The following EFCAB8 variants were observed in gnomAD, a reference collection of about 807,000 sequenced individuals.
EFCAB8 encodes the protein EF-hand calcium binding domain 8, also known as EF-hand calcium-binding domain-containing protein 8.
Under a neutral mutation model 116.3 loss-of-function variants are expected in EFCAB8, and 100 were observed. The ratio of observed to expected loss-of-function variants is 0.86; its 90% CI spans 0.73 to 1.02. The LOEUF is 1.02. Ranked by LOEUF, EFCAB8 falls within the 50% of genes least tolerant of loss-of-function variation. The probability of loss-of-function intolerance (pLI) is 0.00; values close to 1 mark genes in which losing one functional copy is unlikely to be tolerated. For synonymous variants in EFCAB8, 558 were observed against 567.9 expected, an observed-to-expected ratio of 0.98 and a Z score of 0.25; for missense variants, 1,320 against 1,416.9, an observed-to-expected ratio of 0.93 and a Z score of 1.10.
At chr20:32,877,790 G>T (rs1457472721) in intron 4 of EFCAB8, among the ~76,000 whole-genome samples, 1 of 152,168 alleles carries the variant, frequency 6.6e-6, no homozygotes, top group Non-Finnish European at 1.5e-5. Flanking sequence ...TGATGTTTGA[G>T]CATGGGCATC....
At chr20:32,872,948 C>T (rs575040904) in intron 3 of EFCAB8, among the ~76,000 whole-genome samples, 65 of 151,286 alleles carry the variant, frequency 4.3e-4, no homozygotes, top group African/African-American at 1.4e-3. Context: ...AAAAATTAGC[C>T]GAGTGTGATG....
At chr20:32,895,664 C>T (rs1411094683) in intron 9 of EFCAB8, among the ~76,000 whole-genome samples, 4 of 148,534 alleles carry the variant, frequency 2.7e-5, no homozygotes, top group Non-Finnish European at 3.0e-5. Flanking sequence ...CTCTGCCTTT[C>T]GGGTTCAAGT....
At chr20:32,955,278 G>A (rs1469429364) in intron 23 of EFCAB8, among the ~76,000 whole-genome samples, 1 of 152,188 alleles carries the variant, frequency 6.6e-6, no homozygotes, top group Non-Finnish European at 1.5e-5. Context: ...AGTGGCTCAT[G>A]CCTGTAATCA....
chr20:32,907,196 T>G, intron 13 of EFCAB8: 3 of 872,992 alleles, frequency 3.4e-6, no homozygotes, highest in Non-Finnish European at 4.1e-6. Context: ...CAGCCTGGCT[T>G]CTAACTTTGT....
intron 22 of EFCAB8, among the ~76,000 whole-genome samples, chr20:32,941,923 AAT>A (rs1195700025): frequency 1.3e-5 from 2 of 152,180 alleles, no homozygotes; most frequent in African/African-American, 4.8e-5. Context: ...CTTTTTCACA[AAT>A]GTTTTTTGTT....
Position 32,906,979 on chromosome 20 carries a change from T to G in EFCAB8, c.1293T>G (p.Ser431Arg). The G allele has an allele frequency of 6.6e-7, 1 of 1,526,258 alleles. No homozygotes were observed. The highest frequency in any genetic ancestry group is 8.8e-7 in the Non-Finnish European group (1 of 1,133,182). The allele number at this position is 1,526,258 out of a possible 1,614,324, so 94.5% of individuals were successfully genotyped here. Reference sequence around the variant, plus strand: ...GCAGGAACAACAGCATCCTCATCAGTGTCTCCAAGGACAAGGTCCGCCCCG... The same window carrying G: ...GCAGGAACAACAGCATCCTCATCAGGGTCTCCAAGGACAAGGTCCGCCCCG... ...VDSRNNSILISVSKDKNIRVW... is the reference protein window; with the variant it reads ...VDSRNNSILIRVSKDKNIRVW... The change falls in exon 13 of 27, where the codon AGT becomes AGG. Residue 431 changes from serine (S) to arginine (R), a missense_variant. By Grantham distance (110) the Ser-to-Arg change is moderately radical. Transcript: ENST00000400522.
chr20:32,909,954 C>G, intron 15 of EFCAB8, 23 bp downstream of exon 15: 8 of 1,216,138 alleles, frequency 6.6e-6, no homozygotes, highest in African/African-American at 6.3e-5. Context: ...GGGCTCGCCT[C>G]TGAGGCTGGC....
At chr20:32,897,522 A>G (rs112668904) in intron 10 of EFCAB8, among the ~76,000 whole-genome samples, 111 of 149,846 alleles carry the variant, frequency 7.4e-4, no homozygotes, top group Non-Finnish European at 1.5e-3. Context: ...GGCTCACTGC[A>G]GCCTTGACCT....
intron 11 of EFCAB8, among the ~76,000 whole-genome samples, chr20:32,901,767 AACCTCC>A (rs1469115159): frequency 6.6e-6 from 1 of 152,240 alleles, no homozygotes. Context: ...AGCTCACTGC[AACCTCC>A]ACCTCCCGGG....
At position 32,931,191 on chromosome 20, in the gene EFCAB8, A is replaced by G; in HGVS notation, c.2645A>G (p.Lys882Arg). 6.5e-7 allele frequency: 1 copy of G among 1,544,928 alleles called. No homozygotes were observed. The highest frequency in any genetic ancestry group is 8.7e-7 in the Non-Finnish European group (1 of 1,143,902). The change falls in exon 22 of 27, where the codon AAG becomes AGG. Residue 882 changes from lysine (K) to arginine (R), a missense_variant. Lys to Arg is a conservative substitution (Grantham distance 26). Transcript: ENST00000400522. ...CKGYIKIWDI[K>R]DYCALIDKQP... is the part of the protein sequence containing the mutation. The stretch of plus-strand genomic sequence containing the variant: ...CTTTATGTCTAGATCTGGGACATCA[A>G]GGATTACTGCGCATTGATTGATAAA...
rs1481061304 is a variant in EFCAB8 at position 32,885,486 on chromosome 20, CTT to C, written c.432-17_432-16del. On this transcript the variant is annotated splice_polypyrimidine_tract_variant and intron_variant, in intron 5 of 26. Transcript: ENST00000400522. ...GCTGTTTTTGCTTGGGCTCTTCTCT[CTT>C]TCATCGCCTCCCACAGGAACCATGG... is the stretch of plus-strand genomic sequence containing the variant. 1 of 1,551,548 alleles carries C rather than the reference CTT, an allele frequency of 6.4e-7. No individual in the cohort carries two copies. The highest frequency in any genetic ancestry group is 1.2e-5 in the South Asian group (1 of 84,028).
intron 22 of EFCAB8, among the ~76,000 whole-genome samples, chr20:32,942,124 T>C (rs1988428044): frequency 6.6e-6 from 1 of 152,216 alleles, no homozygotes; most frequent in Admixed American, 6.5e-5. Flanking sequence ...TTAGTGGTAT[T>C]CATCTGAGGA....
chr20:32,881,648 A>G (rs1948102562), intron 5 of EFCAB8, among the ~76,000 whole-genome samples: 1 of 152,160 alleles, frequency 6.6e-6, no homozygotes. Flanking sequence ...CTCCTTTGCA[A>G]GGGACATCGG....
At chr20:32,923,536 G>A (rs1389442390) in intron 20 of EFCAB8, among the ~76,000 whole-genome samples, 1 of 152,038 alleles carries the variant, frequency 6.6e-6, no homozygotes, top group African/African-American at 2.4e-5. Flanking sequence ...CTTTATACGA[G>A]TGTATAAAGT....
chr20:32,907,686 G>A (rs1469158031), intron 13 of EFCAB8, among the ~76,000 whole-genome samples: 1 of 152,200 alleles, frequency 6.6e-6, no homozygotes, highest in African/African-American at 2.4e-5. Context: ...AGAAGCCCTG[G>A]GAGCTGGGAT....
At position 32,909,921 on chromosome 20, in the gene EFCAB8, T is replaced by C. The variant is rs867135751; in HGVS notation, c.1547T>C (p.Ile516Thr). The change falls in exon 15 of 27, where the codon ATC (isoleucine) becomes ACC (threonine). Residue 516 changes from isoleucine (I) to threonine (T), a missense_variant. By Grantham distance (89) the Ile-to-Thr change is moderately conservative. Transcript: ENST00000400522. The stretch of plus-strand genomic sequence containing the variant: ...CTGTGTGCTGTCCTCTACAGCAAGA[T>C]CTTTAAGCAGGTGAGTGGCCCAGGG... ...SPLCAVLYSK[I>T]FKQVVSGCLR... 10 of 1,249,480 alleles carry C rather than the reference T, an allele frequency of 8.0e-6. No individual in the cohort carries two copies. Among genetic ancestry groups the C allele is most frequent in the Non-Finnish European group, 9.1e-6 (9 of 988,062 alleles). The allele number at this position is 1,249,480 out of a possible 1,614,324, so 77.4% of individuals were successfully genotyped here.
chr20:32,885,778 T>G (rs1985593108), intron 6 of EFCAB8, 138 bp downstream of exon 6: 2 of 1,138,130 alleles, frequency 1.8e-6, no homozygotes, highest in Non-Finnish European at 2.5e-6. Flanking sequence ...AGCACCTGGG[T>G]CCTGACTTGG....
chr20:32,942,677 C>G (rs1444558351), intron 22 of EFCAB8, among the ~76,000 whole-genome samples: 1 of 151,974 alleles, frequency 6.6e-6, no homozygotes, highest in African/African-American at 2.4e-5. Context: ...CAGTTTTTGT[C>G]CCCATTGTGA....
chr20:32,877,034 G>A (rs555274102), intron 4 of EFCAB8, among the ~76,000 whole-genome samples: 14 of 152,120 alleles, frequency 9.2e-5, no homozygotes, highest in African/African-American at 2.4e-4. Flanking sequence ...GAGGCATGGG[G>A]AAGTTAGGAG....
Sources: gnomAD v4.1 joint callset for allele counts (sites outside exome capture counted in the v4.1 genomes callset) on GRCh38, gnomAD v4.1.1 for gene constraint, MANE v1.5 for transcripts, NCBI Gene and HGNC (gene_info 2026-07-23, HGNC 2026-07-21) for gene names.